The following NMU variants were observed in gnomAD, a reference collection of about 807,000 sequenced individuals.
NMU encodes the protein neuromedin-U.
Under a neutral mutation model 35.4 loss-of-function variants are expected in NMU, and 29 were observed. The observed-to-expected ratio is 0.82, with a 90% CI of 0.61 to 1.12. The LOEUF (loss-of-function observed/expected upper bound fraction) is 1.12. Among genes scored for constraint, NMU ranks in the 50% most tolerant of loss-of-function variants. NMU has a pLI of 0.00. For missense variants in NMU, 199 were observed against 206.2 expected, an observed-to-expected ratio of 0.97 and a Z score of 0.21; for synonymous variants, 78 against 81.3, an observed-to-expected ratio of 0.96 and a Z score of 0.22.
intron 7 of NMU, among the ~76,000 whole-genome samples, chr4:55,601,903 G>A (rs904286974): frequency 6.6e-6 from 1 of 151,886 alleles, no homozygotes; most frequent in Non-Finnish European, 1.5e-5. Context: ...AGGCTGAGGT[G>A]GGAGGATTGC....
chr4:55,627,079 C>G (rs560484096), intron 2 of NMU, among the ~76,000 whole-genome samples: 184 of 152,306 alleles, frequency 1.2e-3, no homozygotes, highest in African/African-American at 4.3e-3. Context: ...CAAGCACAGG[C>G]AGCACAGGAA....
rs374913523 is a variant in NMU at position 55,603,985 on chromosome 4, G to A, written c.435+1290C>T. ...TATATATACGTATATATGTATATATGTGTATATATATACGTATATATGTAT... is the reference window on the plus strand; with the variant it reads ...TATATATACGTATATATGTATATATATGTATATATATACGTATATATGTAT... On this transcript the variant is annotated intron_variant, in intron 7 of 9. Transcript: ENST00000264218. Among the ~76,000 whole-genome samples the A allele has an allele frequency of 7.1e-5, 2 of 28,184 alleles. 1 individual carries two copies. The highest frequency in any genetic ancestry group is 1.5e-4 in the Non-Finnish European group (2 of 13,782). 18.5% of individuals were successfully genotyped at this position (28,184 alleles called of 152,430 possible).
intron 7 of NMU, among the ~76,000 whole-genome samples, chr4:55,602,020 A>T (rs1447353395): frequency 2.0e-5 from 3 of 152,074 alleles, no homozygotes; most frequent in Admixed American, 6.6e-5. Flanking sequence ...TAATACAAAT[A>T]AAAAAATTCA....
intron 9 of NMU, among the ~76,000 whole-genome samples, chr4:55,596,328 A>T (rs1733178803): frequency 6.6e-6 from 1 of 151,300 alleles, no homozygotes; most frequent in African/African-American, 2.4e-5. Context: ...TCTTGAAAAT[A>T]ATCTGAATAA....
intron 2 of NMU, among the ~76,000 whole-genome samples, chr4:55,623,966 A>G (rs1469177272): frequency 4.0e-5 from 1 of 24,862 alleles, no homozygotes; most frequent in Non-Finnish European, 8.8e-5. Flanking sequence ...GGCTAGCCAT[A>G]TGTAGAAAGC....
At chr4:55,598,089 G>GTTTTTTTTTTTTTTTTTTTTTTTTTTTT in intron 9 of NMU, among the ~76,000 whole-genome samples, 1 of 85,394 alleles carries the variant, frequency 1.2e-5, no homozygotes, top group Non-Finnish European at 2.2e-5. Flanking sequence ...TTTGGTTGTG[G>GTTTTTTTTTTTTTTTTTTTTTTTTTTTT]TTTTTTTTTT....
At chr4:55,630,606 G>A in intron 1 of NMU, 146 bp from the exon 2 acceptor site, 1 of 680,922 alleles carries the variant, frequency 1.5e-6, no homozygotes, top group Non-Finnish European at 2.6e-6. Context: ...ATTTGACTTA[G>A]TACAAGGAGA....
chr4:55,615,669 A>G (rs1281729230), intron 3 of NMU, among the ~76,000 whole-genome samples: 1 of 152,190 alleles, frequency 6.6e-6, no homozygotes, highest in East Asian at 1.9e-4. Context: ...TCAGGAGTAC[A>G]TGTGCAAGAT....
chr4:55,617,560 C>T lies in NMU; in HGVS notation c.172-1175G>A, dbSNP rs191972677. Among the ~76,000 whole-genome samples the T allele has an allele frequency of 3.3e-5, 5 of 152,058 alleles. No individual in the cohort carries two copies. The East Asian group carries it at 9.7e-4, about 29-fold the overall frequency. On this transcript the variant is annotated intron_variant, in intron 2 of 9. Coordinates refer to ENST00000264218, the MANE Select transcript of NMU (RefSeq NM_006681.4). Reference sequence around the variant, plus strand: ...ACACTGAGGGTAGGGGCCGTGTTATCGCTAAATTGCCCAGAATAAGTGTTC... The same window carrying T: ...ACACTGAGGGTAGGGGCCGTGTTATTGCTAAATTGCCCAGAATAAGTGTTC...
intron 1 of NMU, among the ~76,000 whole-genome samples, chr4:55,633,168 C>T (rs372458502): frequency 1.3e-5 from 2 of 151,290 alleles, no homozygotes; most frequent in African/African-American, 4.9e-5. Flanking sequence ...ACTAAAAATA[C>T]AAAAAAATTA....
intron 9 of NMU, among the ~76,000 whole-genome samples, chr4:55,595,623 G>GTATATA (rs150284330): frequency 2.9e-5 from 3 of 102,156 alleles, no homozygotes; most frequent in Non-Finnish European, 3.9e-5. Context: ...GTGTGTGTGT[G>GTATATA]TATATATATA....
intron 9 of NMU, among the ~76,000 whole-genome samples, chr4:55,595,638 TATATA>T (rs1341480638): frequency 4.6e-5 from 5 of 107,862 alleles, no homozygotes; most frequent in Admixed American, 9.9e-5. Context: ...TATATATATA[TATATA>T]TTTTTTTTTT....
In NMU at chr4:55,609,234, T is replaced by C. The variant is rs111523048; in HGVS notation, c.220-55A>G. 4.6e-4 allele frequency: 619 copies of C among 1,348,740 alleles called. 4 individuals carry two copies. The African/African-American group carries it at 7.6e-3, about 17-fold the overall frequency. 83.5% of individuals were successfully genotyped at this position (1,348,740 alleles called of 1,614,324 possible). A position where few individuals can be genotyped will look rare whatever the true frequency, so the allele number is the denominator to read the frequency against. On this transcript the variant is annotated intron_variant, in intron 3 of 9. Transcript: ENST00000264218. ...TGCTTCTGCTTTAACGACATTTACATAGAAGAGGTAACTACAAAATGTTAG... is the reference window on the plus strand; with the variant it reads ...TGCTTCTGCTTTAACGACATTTACACAGAAGAGGTAACTACAAAATGTTAG...
At chr4:55,607,409 A>C (rs575027251) in intron 5 of NMU, 28 bp downstream of exon 5, 189 of 1,234,652 alleles carry the variant, frequency 1.5e-4, no homozygotes, top group Non-Finnish European at 2.1e-4. Flanking sequence ...TTATTTTATA[A>C]GGTATAGATG....
At chr4:55,625,491 T>A (rs1187682667) in intron 2 of NMU, among the ~76,000 whole-genome samples, 1 of 152,188 alleles carries the variant, frequency 6.6e-6, no homozygotes, top group Non-Finnish European at 1.5e-5. Context: ...CTTGATGAAT[T>A]TCTATACTAT....
At chr4:55,605,442 T>A in intron 6 of NMU, 93 bp from the exon 7 acceptor site, 2 of 909,038 alleles carry the variant, frequency 2.2e-6, no homozygotes, top group Non-Finnish European at 3.7e-6. Context: ...TTTTACCCAC[T>A]AAACTTGTCC....
chr4:55,626,333 C>A (rs941570189), intron 2 of NMU, among the ~76,000 whole-genome samples: 1 of 152,192 alleles, frequency 6.6e-6, no homozygotes, highest in Non-Finnish European at 1.5e-5. Flanking sequence ...GAAGTCTTAT[C>A]TTTATCCAAT....
At chr4:55,600,663 A>C in intron 7 of NMU, 88 bp from the exon 8 acceptor site, 1 of 919,214 alleles carries the variant, frequency 1.1e-6, no homozygotes, top group Non-Finnish European at 1.8e-6. Flanking sequence ...GGTCAAAATT[A>C]CTTTCAACTG....
intron 1 of NMU, among the ~76,000 whole-genome samples, 165 bp from the exon 2 acceptor site, chr4:55,630,625 C>T (rs536921962): frequency 6.6e-6 from 1 of 152,198 alleles, no homozygotes; most frequent in South Asian, 2.1e-4. Context: ...GACATAATTA[C>T]TAAATAAACC....
Sources: gnomAD v4.1 joint callset for allele counts (sites outside exome capture counted in the v4.1 genomes callset) on GRCh38, gnomAD v4.1.1 for gene constraint, MANE v1.5 for transcripts, NCBI Gene and HGNC (gene_info 2026-07-23, HGNC 2026-07-21) for gene names.